The following TMC7 variants were observed in gnomAD, a reference collection of about 807,000 sequenced individuals.
The protein encoded by TMC7 is transmembrane channel like 7, also known as transmembrane channel-like protein 7.
Under a neutral mutation model 82.9 loss-of-function variants are expected in TMC7, and 54 were observed. The observed-to-expected ratio is 0.65, with a 90% CI of 0.52 to 0.82. The LOEUF is 0.82. TMC7 is among the 40% of genes least tolerant of loss of function. The pLI is 0.00. For missense variants in TMC7, 820 were observed against 901.2 expected (o/e 0.91, Z 1.15); for synonymous variants, 350 against 337.9 (o/e 1.04, Z -0.39).
At chr16:19,028,099 T>C (rs1960319828) in intron 5 of TMC7, among the ~76,000 whole-genome samples, 1 of 152,176 alleles carries the variant, frequency 6.6e-6, no homozygotes, top group African/African-American at 2.4e-5. Flanking sequence ...TCTCATTTCC[T>C]TCCTTTATAA....
intron 1 of TMC7, among the ~76,000 whole-genome samples, chr16:19,005,016 T>A (rs1485714404): frequency 6.6e-6 from 1 of 151,898 alleles, no homozygotes; most frequent in Non-Finnish European, 1.5e-5. Flanking sequence ...TAAAGAGTAG[T>A]TCGGAGTATT....
At chr16:19,056,803 C>T (rs1278546073) in intron 14 of TMC7, 106 bp downstream of exon 14, 3 of 1,269,172 alleles carry the variant, frequency 2.4e-6, no homozygotes, top group Non-Finnish European at 3.3e-6. Context: ...TACTGAGCTT[C>T]TTTGAACTGC....
chr16:19,042,928 A>G (rs1407475763), intron 9 of TMC7, among the ~76,000 whole-genome samples: 1 of 151,594 alleles, frequency 6.6e-6, no homozygotes, highest in Non-Finnish European at 1.5e-5. Context: ...TTGTACTTTT[A>G]GTAGAGATGG....
In TMC7 at chr16:19,016,434, C is replaced by A. The variant is rs1959696269; in HGVS notation, c.312-16C>A. The A allele has an allele frequency of 6.2e-7, 1 of 1,613,538 alleles. No homozygotes were observed. Among genetic ancestry groups the A allele is most frequent in the African/African-American group, 1.3e-5 (1 of 74,904 alleles). ...CTGCTGTTGTTGTCATTGTCATGAT[C>A]ATGTTTTCCATGCAGGGACATTCAA... On this transcript the variant is annotated splice_polypyrimidine_tract_variant and intron_variant, in intron 2 of 15. Coordinates refer to ENST00000304381, the MANE Select transcript of TMC7 (RefSeq NM_024847.4).
At chr16:19,012,905 G>A (rs1258725305) in intron 2 of TMC7, among the ~76,000 whole-genome samples, 2 of 141,750 alleles carry the variant, frequency 1.4e-5, no homozygotes, top group Admixed American at 7.3e-5. Context: ...CAACCTCCCT[G>A]CCCCAGGTTC....
chr16:19,051,775 G>T lies in TMC7; in HGVS notation c.1830G>T (p.Gly610=). ...NFFFLLVLLI[G]LCLAIIPLTI... ...TCTTCCTGTTGGTGTTGTTGATCGG[G>T]CTGTGTTTGGCAATAATACCTCTGA... The change falls in exon 13 of 16, where the codon GGG becomes GGT. Residue 610 remains glycine (G), a synonymous_variant. Coordinates refer to ENST00000304381, the MANE Select transcript of TMC7 (RefSeq NM_024847.4). 1 of 1,614,082 alleles carries T rather than the reference G, an allele frequency of 6.2e-7. No homozygotes were observed. The highest frequency in any genetic ancestry group is 8.5e-7 in the Non-Finnish European group (1 of 1,180,028).
chr16:19,013,640 C>A (rs1208387875), intron 2 of TMC7, among the ~76,000 whole-genome samples: 4 of 152,058 alleles, frequency 2.6e-5, no homozygotes, highest in African/African-American at 4.8e-5. Context: ...ACTTCAGCCT[C>A]CTGAGTAGCT....
intron 1 of TMC7, among the ~76,000 whole-genome samples, chr16:18,988,923 G>A (rs2038900825): frequency 6.6e-6 from 1 of 152,076 alleles, no homozygotes; most frequent in African/African-American, 2.4e-5. Context: ...GGTGGCACAT[G>A]CCTGTAGTCC....
At chr16:19,022,982 T>G (rs1960051157) in intron 4 of TMC7, 131 bp from the exon 5 acceptor site, 1 of 478,928 alleles carries the variant, frequency 2.1e-6, no homozygotes, top group Non-Finnish European at 3.8e-6. Context: ...ATCACGCCAT[T>G]GCACTCCAGT....
At chr16:18,988,156 CTTTTTTTTT>C (rs760359195) in intron 1 of TMC7, among the ~76,000 whole-genome samples, 1 of 128,978 alleles carries the variant, frequency 7.8e-6, no homozygotes, top group Non-Finnish European at 1.7e-5. Flanking sequence ...TTCTCTCTTT[CTTTTTTTTT>C]TTTTTTTTTG....
At chr16:18,988,397 CA>C (rs764569343) in intron 1 of TMC7, among the ~76,000 whole-genome samples, 8 of 148,892 alleles carry the variant, frequency 5.4e-5, no homozygotes, top group Non-Finnish European at 1.0e-4. Flanking sequence ...TCAGGTGATC[CA>C]CCCACCTTGG....
At chr16:19,029,858 G>A (rs539226200) in intron 5 of TMC7, among the ~76,000 whole-genome samples, 78 of 152,058 alleles carry the variant, frequency 5.1e-4, no homozygotes, top group African/African-American at 1.7e-3. Context: ...GGTTACAGGC[G>A]CGCAACACCA....
rs1176785582 is a variant in TMC7 at position 19,030,268 on chromosome 16, T to A, written c.756T>A (p.Ile252=). ...ETSLFYGHYT[I]DGVKFQNFTY... ...GCCTCTTTTACGGACATTACACCAT[T>A]GATGGGGTGAAATTTCAGAACTTCA... is the stretch of plus-strand genomic sequence containing the variant. Residue 252 remains isoleucine, a synonymous_variant, in exon 6 of 16, where the codon ATT becomes ATA. Transcript: ENST00000304381. 1.2e-6 allele frequency: 2 copies of A among 1,613,534 alleles called. No homozygotes were observed. The highest frequency in any genetic ancestry group is 2.2e-5 in the South Asian group (2 of 91,034).
At chr16:19,034,065 A>T (rs1056481147) in intron 6 of TMC7, among the ~76,000 whole-genome samples, 9 of 152,226 alleles carry the variant, frequency 5.9e-5, no homozygotes, top group Admixed American at 2.0e-4. Flanking sequence ...ATGAATAAAA[A>T]TATGCAACAG....
At chr16:19,016,964 T>C (rs1371805724) in intron 3 of TMC7, among the ~76,000 whole-genome samples, 1 of 152,112 alleles carries the variant, frequency 6.6e-6, no homozygotes, top group East Asian at 1.9e-4. Context: ...GGTGGGTGAA[T>C]CATGAGTTCA....
chr16:19,043,278 G>A (rs189118559), intron 9 of TMC7, among the ~76,000 whole-genome samples: 8 of 152,036 alleles, frequency 5.3e-5, no homozygotes, highest in Admixed American at 2.0e-4. Context: ...CAGACATCCC[G>A]CGACCCTGAT....
intron 1 of TMC7, among the ~76,000 whole-genome samples, chr16:18,996,998 T>C (rs1596720069): frequency 6.6e-6 from 1 of 152,180 alleles, no homozygotes; most frequent in African/African-American, 2.4e-5. Context: ...GGAATTGGAA[T>C]GACAGGGAGA....
At chr16:19,031,824 T>G (rs907859364) in intron 6 of TMC7, among the ~76,000 whole-genome samples, 1 of 152,176 alleles carries the variant, frequency 6.6e-6, no homozygotes, top group African/African-American at 2.4e-5. Flanking sequence ...GCATGTGGCT[T>G]CGAAGGTCCT....
At chr16:19,059,670 T>A in intron 15 of TMC7, 176 bp downstream of exon 15, 1 of 1,539,412 alleles carries the variant, frequency 6.5e-7, no homozygotes, top group Non-Finnish European at 8.7e-7. Flanking sequence ...CACTGATTCA[T>A]CCATTCCTTC....
Sources: gnomAD v4.1 joint callset for allele counts (sites outside exome capture counted in the v4.1 genomes callset) on GRCh38, gnomAD v4.1.1 for gene constraint, MANE v1.5 for transcripts, NCBI Gene and HGNC (gene_info 2026-07-23, HGNC 2026-07-21) for gene names.